Variants in RET observed in about 807,000 individuals in gnomAD.
RET encodes the protein ret proto-oncogene.
RET carries 19 observed loss-of-function variants against 118.3 expected under a neutral mutation model. That is an observed-to-expected ratio of 0.16 (90% CI 0.11 to 0.24). The LOEUF (loss-of-function observed/expected upper bound fraction) is 0.24. RET is among the 10% of genes least tolerant of loss of function. The probability of loss-of-function intolerance (pLI) is 1.00; values close to 1 mark genes in which losing one functional copy is unlikely to be tolerated. For synonymous variants in RET, 597 were observed against 644.1 expected, an observed-to-expected ratio of 0.93 and a Z score of 1.11; for missense variants, 1,219 against 1,502.1, an observed-to-expected ratio of 0.81 and a Z score of 3.12.
chr10:43,116,548 C>T lies in RET; in HGVS notation c.2137-36C>T, dbSNP rs1158509495. The T allele has an allele frequency of 2.5e-6, 4 of 1,611,398 alleles. No individual in the cohort carries two copies. In the East Asian group the frequency reaches 6.7e-5, roughly 27 times the overall value. ...CTCCCCTGTCATCCTCACACTTTTC[C>T]CCCCTCTTCTCCCCCTTCCCTCATT... On this transcript the variant is annotated intron_variant, in intron 11 of 19. Transcript: ENST00000355710.
chr10:43,111,434 G>T lies in RET; in HGVS notation c.1491G>T (p.Gln497His). The change falls in exon 7 of 20, where the codon CAG becomes CAT. Residue 497 changes from glutamine to histidine, a missense_variant. Transcript: ENST00000355710. ...ACCAGCAGACCTCTAGGCAGGCCCA[G>T]GCCCAGCTGCTTGTAACAGTGGAGG... ...ATDQQTSRQA[Q>H]AQLLVTVEGS... 1 of 1,613,768 alleles carries T rather than the reference G, an allele frequency of 6.2e-7. No individual in the cohort carries two copies. Among genetic ancestry groups the T allele is most frequent in the Non-Finnish European group, 8.5e-7 (1 of 1,179,996 alleles).
chr10:43,084,585 T>C (rs374311043), intron 1 of RET, among the ~76,000 whole-genome samples: 3 of 152,228 alleles, frequency 2.0e-5, no homozygotes, highest in African/African-American at 4.8e-5. Context: ...GACTTTGCTG[T>C]TGCATCTGCA....
intron 1 of RET, among the ~76,000 whole-genome samples, chr10:43,097,647 C>A (rs1338929686): frequency 6.6e-6 from 1 of 152,212 alleles, no homozygotes; most frequent in Non-Finnish European, 1.5e-5. Context: ...CCCCCTCCCA[C>A]CCCGAGGGCA....
Position 43,105,149 on chromosome 10 carries a change from G to T in RET, c.823G>T (p.Gly275Cys), listed in dbSNP as rs1837738605. 6.2e-7 allele frequency: 1 copy of T among 1,612,810 alleles called. No individual in the cohort carries two copies. Among genetic ancestry groups the T allele is most frequent in the Non-Finnish European group, 8.5e-7 (1 of 1,179,878 alleles). The change falls in exon 4 of 20, where the codon GGC (glycine) becomes TGC (cysteine). Residue 275 changes from glycine (G) to cysteine (C), a missense_variant. Around this residue, in one of 5 missense-constraint regions of RET, gnomAD observed 850 missense variants for 969.6 expected, o/e 0.88. Coordinates refer to ENST00000355710, the MANE Select transcript of RET (RefSeq NM_020975.6). Reference sequence around the variant, plus strand: ...CGACTCGGCGCCCACCTTCCCCGCGGGCGTCGACACCGCCAGCGCCGTGGT... The same window carrying T: ...CGACTCGGCGCCCACCTTCCCCGCGTGCGTCGACACCGCCAGCGCCGTGGT... ...EDDSAPTFPA[G>C]VDTASAVVEF...
chr10:43,124,321 G>A (rs543305370), intron 17 of RET, among the ~76,000 whole-genome samples: 85 of 152,240 alleles, frequency 5.6e-4, no homozygotes, highest in Non-Finnish European at 9.1e-4. Flanking sequence ...ACACTGCTGG[G>A]GCGTGGAGGG....
intron 1 of RET, among the ~76,000 whole-genome samples, chr10:43,091,750 G>C (rs1162915215): frequency 6.7e-6 from 1 of 148,268 alleles, no homozygotes; most frequent in Non-Finnish European, 1.5e-5. Context: ...TCTCAGCATT[G>C]CCACTCATTA....
intron 8 of RET, among the ~76,000 whole-genome samples, 189 bp from the exon 9 acceptor site, chr10:43,112,664 C>A (rs3026754): frequency 6.6e-6 from 1 of 152,312 alleles, no homozygotes; most frequent in East Asian, 1.9e-4. Context: ...TGTGAGGAAC[C>A]CCCCATACCT....
At chr10:43,124,115 G>C (rs1183258995) in intron 17 of RET, among the ~76,000 whole-genome samples, 1 of 152,152 alleles carries the variant, frequency 6.6e-6, no homozygotes, top group East Asian at 1.9e-4. Context: ...GGTAATTCCA[G>C]ATGGCCCAGG....
At chr10:43,085,820 C>T (rs776024926) in intron 1 of RET, among the ~76,000 whole-genome samples, 2 of 152,162 alleles carry the variant, frequency 1.3e-5, no homozygotes, top group Non-Finnish European at 2.9e-5. Flanking sequence ...GCTCCCAGGA[C>T]CTGGATAACA....
Position 43,112,915 on chromosome 10 carries a change from G to C in RET, c.1711G>C (p.Asp571His), listed in dbSNP as rs750958377. The C allele has an allele frequency of 6.2e-7, 1 of 1,614,140 alleles. No individual in the cohort carries two copies. Among genetic ancestry groups the C allele is most frequent in the Non-Finnish European group, 8.5e-7 (1 of 1,180,004 alleles). ...STKTCPDGHC[D>H]VVETQDINIC... ...CAAGACCTGCCCCGACGGCCACTGC[G>C]ATGTTGTGGAGACCCAAGACATCAA... The change falls in exon 9 of 20, where the codon GAT becomes CAT. Residue 571 changes from aspartate (D) to histidine (H), a missense_variant. By Grantham distance (81) the Asp-to-His change is moderately conservative. This residue lies in a region of RET where 850 missense variants were observed against 969.6 expected (regional missense o/e 0.88). Coordinates refer to ENST00000355710, the MANE Select transcript of RET (RefSeq NM_020975.6).
intron 1 of RET, among the ~76,000 whole-genome samples, chr10:43,082,014 G>A (rs1163994796): frequency 1.3e-5 from 2 of 152,170 alleles, no homozygotes; most frequent in Non-Finnish European, 2.9e-5. Context: ...TTGGCGCTGA[G>A]ACAATGAGGC....
rs1179294660 is a variant in RET, at chr10:43,105,184, G to A, written c.858G>A (p.Lys286=). The part of the protein sequence containing the change: ...VDTASAVVEF[K]RKEDTVVATL... ...CCGCCAGCGCCGTGGTGGAGTTCAA[G>A]CGGAAGGAGGTGCTTGTCCGCGCGT... Residue 286 remains lysine (K), a synonymous_variant, in exon 4 of 20, where the codon AAG becomes AAA. Transcript: ENST00000355710. The A allele has an allele frequency of 6.2e-7, 1 of 1,612,872 alleles. No homozygotes were observed. Among genetic ancestry groups the A allele is most frequent in the Non-Finnish European group, 8.5e-7 (1 of 1,179,906 alleles).
At chr10:43,100,778 C>T (rs1270093446) in intron 2 of RET, 56 bp downstream of exon 2, 46 of 1,528,574 alleles carry the variant, frequency 3.0e-5, no homozygotes, top group Middle Eastern at 2.3e-4. Context: ...TTCCTCAAGC[C>T]GCCCTTATCA....
chr10:43,126,796 T>C (rs1838345882), intron 19 of RET, 74 bp downstream of exon 19: 3 of 1,570,272 alleles, frequency 1.9e-6, no homozygotes, highest in Non-Finnish European at 8.7e-7. Context: ...TCTGTGATGC[T>C]TTTTAAAAAT....
intron 17 of RET, 65 bp downstream of exon 17, chr10:43,123,873 C>A: frequency 6.2e-7 from 1 of 1,610,162 alleles, no homozygotes. Context: ...TGTGCATTCC[C>A]TCCCCATCCA....
intron 16 of RET, among the ~76,000 whole-genome samples, chr10:43,122,401 G>T (rs964335243): frequency 6.6e-5 from 10 of 152,144 alleles, no homozygotes; most frequent in African/African-American, 2.4e-4. Context: ...AGCACCCAGT[G>T]ACTTGCCCCC....
rs56195026 is a variant in RET at position 43,119,661 on chromosome 10, G to T, written c.2523G>T (p.Pro841=). The T allele has an allele frequency of 1.8e-4, 284 of 1,613,338 alleles. No individual in the cohort carries two copies. Among genetic ancestry groups the T allele is most frequent in the Middle Eastern group, 3.3e-4 (2 of 6,056 alleles). Residue 841 remains proline (P), a synonymous_variant, in exon 14 of 20, where the codon CCG becomes CCT. Transcript: ENST00000355710. ...GSRNSSSLDH[P]DERALTMGDL... Reference sequence around the variant, plus strand: ...GCAACTCCAGCTCCCTGGACCACCCGGATGAGCGGGCCCTCACCATGGGCG... The same window carrying T: ...GCAACTCCAGCTCCCTGGACCACCCTGATGAGCGGGCCCTCACCATGGGCG...
chr10:43,127,533 G>A (rs1228327732), intron 19 of RET: 3 of 943,184 alleles, frequency 3.2e-6, no homozygotes, highest in South Asian at 4.8e-5. Flanking sequence ...ATCATTGATT[G>A]TTTGAAATCT....
At chr10:43,091,955 GAGCTGACTTCGGCTCC>G in intron 1 of RET, among the ~76,000 whole-genome samples, 1 of 152,108 alleles carries the variant, frequency 6.6e-6, no homozygotes, top group Admixed American at 6.5e-5. Flanking sequence ...GTTAAACCTA[GAGCTGACTTCGGCTCC>G]AGCACCTCCA....
Sources: gnomAD v4.1 joint callset for allele counts (sites outside exome capture counted in the v4.1 genomes callset) on GRCh38, gnomAD v4.1.1 for gene constraint, gnomAD v4.1.1 regional missense constraint, MANE v1.5 for transcripts, NCBI Gene and HGNC (gene_info 2026-07-23, HGNC 2026-07-21) for gene names.